Variants in PPP2R2B observed in about 807,000 individuals in gnomAD.
PPP2R2B encodes the protein serine/threonine-protein phosphatase 2A 55 kDa regulatory subunit B beta isoform.
A neutral mutation model predicts 46.0 loss-of-function variants in PPP2R2B; 5 were observed. The ratio of observed to expected loss-of-function variants is 0.11; its 90% CI spans 0.06 to 0.23. The LOEUF (loss-of-function observed/expected upper bound fraction) is 0.23, where lower values mean the gene tolerates loss of function less well. PPP2R2B is among the 10% of genes least tolerant of loss of function. PPP2R2B has a pLI of 1.00. For synonymous variants in PPP2R2B, 215 were observed against 206.7 expected, an observed-to-expected ratio of 1.04 and a Z score of -0.34; for missense variants, 367 against 575.0, an observed-to-expected ratio of 0.64 and a Z score of 3.70.
At chr5:146,697,917 G>A in intron 4 of PPP2R2B, 62 bp downstream of exon 4, 1 of 1,478,484 alleles carries the variant, frequency 6.8e-7, no homozygotes, top group Non-Finnish European at 9.2e-7. Context: ...GGTTAAGAGA[G>A]ATTGAAGTAT....
At position 146,589,045 on chromosome 5, in the gene PPP2R2B, A is replaced by ATAAT. The variant is rs1396577471; in HGVS notation, c.*898_*901dup. 5 of 152,242 alleles carry ATAAT rather than the reference A, an allele frequency of 3.3e-5. No individual in the cohort carries two copies. The highest frequency in any genetic ancestry group is 7.2e-5 in the African/African-American group (3 of 41,436). The allele number at this position is 152,242 out of a possible 1,614,324, so 9.4% of individuals were successfully genotyped here. ...CTTACTGCTTCATTTAGAACACCAG[A>ATAAT]TAATAAGCACCCAGGACTCGGCCTT... On this transcript the variant is annotated 3_prime_UTR_variant, in exon 10 of 10. Transcript: ENST00000394411.
At chr5:146,805,060 T>C (rs1757093571) in intron 2 of PPP2R2B, among the ~76,000 whole-genome samples, 2 of 152,334 alleles carry the variant, frequency 1.3e-5, no homozygotes, top group South Asian at 4.1e-4. Context: ...GGTCAGATTT[T>C]ATGTGCTGGG....
intron 1 of PPP2R2B, among the ~76,000 whole-genome samples, chr5:146,954,514 G>A (rs1751783302): frequency 6.6e-6 from 1 of 152,108 alleles, no homozygotes; most frequent in South Asian, 2.1e-4. Context: ...AGTGGGAAAG[G>A]GTGGGAAGGG....
At chr5:146,805,599 G>A (rs931967327) in intron 2 of PPP2R2B, among the ~76,000 whole-genome samples, 11 of 152,118 alleles carry the variant, frequency 7.2e-5, no homozygotes, top group African/African-American at 2.4e-4. Flanking sequence ...TGTTTGCACT[G>A]TTCTTATGAA....
chr5:146,667,596 T>C (rs1280550478), intron 5 of PPP2R2B, among the ~76,000 whole-genome samples: 3 of 151,958 alleles, frequency 2.0e-5, no homozygotes, highest in Non-Finnish European at 2.9e-5. Flanking sequence ...CCAAAAGGAT[T>C]ACTGAAGTAC....
intron 4 of PPP2R2B, among the ~76,000 whole-genome samples, chr5:146,693,270 A>C (rs546961472): frequency 6.6e-6 from 1 of 151,210 alleles, no homozygotes; most frequent in African/African-American, 2.4e-5. Context: ...GCTGGAGTGC[A>C]TTGGCGAGAT....
chr5:146,768,021 A>T (rs1754597788), intron 2 of PPP2R2B, among the ~76,000 whole-genome samples: 2 of 152,120 alleles, frequency 1.3e-5, no homozygotes, highest in African/African-American at 4.8e-5. Flanking sequence ...TTAGAGATTC[A>T]CAATAAGCAT....
At chr5:147,029,236 C>G in intron 1 of PPP2R2B, among the ~76,000 whole-genome samples, 1 of 152,022 alleles carries the variant, frequency 6.6e-6, no homozygotes, top group East Asian at 1.9e-4. Context: ...CTAAGGTTGT[C>G]AATATTTTAT....
rs368298472 is a variant in PPP2R2B at position 146,877,832 on chromosome 5, A to T, written c.70+170T>A. On this transcript the variant is annotated intron_variant, in intron 2 of 9. Coordinates refer to ENST00000394411, the MANE Select transcript of PPP2R2B (RefSeq NM_181675.4). Reference sequence around the variant, plus strand: ...GCTGAACGCCGAGCTCGCCTCGCGGAGCCCGGATGGATGCGAGGTGCACTG... The same window carrying T: ...GCTGAACGCCGAGCTCGCCTCGCGGTGCCCGGATGGATGCGAGGTGCACTG... Among the ~76,000 whole-genome samples, 23 of 152,240 alleles carry T rather than the reference A, an allele frequency of 1.5e-4. 1 individual carries two copies. The South Asian group carries it at 4.8e-3, about 32-fold the overall frequency.
intron 1 of PPP2R2B, among the ~76,000 whole-genome samples, chr5:147,025,357 T>A (rs1755475510): frequency 6.6e-6 from 1 of 151,810 alleles, no homozygotes; most frequent in Non-Finnish European, 1.5e-5. Flanking sequence ...GAAATACCAA[T>A]CTTATGTAAA....
intron 1 of PPP2R2B, among the ~76,000 whole-genome samples, chr5:147,027,264 A>G (rs1755567161): frequency 6.6e-6 from 1 of 152,208 alleles, no homozygotes; most frequent in Non-Finnish European, 1.5e-5. Flanking sequence ...GTTATACAAC[A>G]TTGCAAATGT....
chr5:146,588,469 C>T lies in PPP2R2B; in HGVS notation c.*1478G>A, dbSNP rs1770284899. On this transcript the variant is annotated 3_prime_UTR_variant, in exon 10 of 10. Coordinates refer to ENST00000394411, the MANE Select transcript of PPP2R2B (RefSeq NM_181675.4). Reference sequence around the variant, plus strand: ...TTCCCTTTCATTGAAAAACTCTCATCTCAAACCATTTACCCTGCACTAAAT... The same window carrying T: ...TTCCCTTTCATTGAAAAACTCTCATTTCAAACCATTTACCCTGCACTAAAT... 1.3e-5 allele frequency: 2 copies of T among 152,194 alleles called. No individual in the cohort carries two copies. Among genetic ancestry groups the T allele is most frequent in the South Asian group, 4.1e-4 (2 of 4,824 alleles). 9.4% of individuals were successfully genotyped at this position (152,194 alleles called of 1,614,324 possible).
At chr5:146,853,064 T>A (rs1173157965) in intron 2 of PPP2R2B, among the ~76,000 whole-genome samples, 2 of 152,050 alleles carry the variant, frequency 1.3e-5, no homozygotes, top group African/African-American at 4.8e-5. Context: ...TCAGGAATGT[T>A]TGAGAACTTT....
intron 2 of PPP2R2B, among the ~76,000 whole-genome samples, chr5:146,774,810 C>G (rs1755078527): frequency 1.4e-5 from 2 of 143,772 alleles, no homozygotes; most frequent in South Asian, 4.4e-4. Flanking sequence ...GAGCAAGACT[C>G]TGTCTCAAAA....
At chr5:147,037,677 A>G (rs1456644804) in intron 1 of PPP2R2B, among the ~76,000 whole-genome samples, 1 of 152,100 alleles carries the variant, frequency 6.6e-6, no homozygotes, top group Non-Finnish European at 1.5e-5. Context: ...GAAAACCACC[A>G]ATACCCTAAG....
intron 5 of PPP2R2B, among the ~76,000 whole-genome samples, chr5:146,683,762 G>A (rs1055222618): frequency 9.9e-5 from 15 of 152,154 alleles, no homozygotes; most frequent in South Asian, 2.1e-4. Flanking sequence ...TTAAATTCTC[G>A]TGGAGGGCTT....
rs191738732 is a variant in PPP2R2B at position 146,741,014 on chromosome 5, C to T, written c.71-39872G>A. Among the ~76,000 whole-genome samples the T allele has an allele frequency of 6.8e-4, 98 of 144,940 alleles. No homozygotes were observed. In the East Asian group the frequency reaches 0.015, roughly 22 times the overall value. On this transcript the variant is annotated intron_variant, in intron 2 of 9. Coordinates refer to ENST00000394411, the MANE Select transcript of PPP2R2B (RefSeq NM_181675.4). ...ATCGTGCCACCGCACTCTAGCCAAG[C>T]GACAGAGCAAGACTCCGTCTCAAAA...
intron 2 of PPP2R2B, among the ~76,000 whole-genome samples, chr5:146,845,057 C>T (rs980114165): frequency 3.3e-5 from 5 of 152,158 alleles, no homozygotes; most frequent in Non-Finnish European, 7.4e-5. Context: ...CACCAGCTTT[C>T]AGCCATGTTC....
At chr5:146,835,905 A>G (rs1759251967) in intron 2 of PPP2R2B, among the ~76,000 whole-genome samples, 2 of 152,158 alleles carry the variant, frequency 1.3e-5, no homozygotes. Context: ...GAGCCTAATG[A>G]AGTGGGTTGG....
Sources: gnomAD v4.1 joint callset for allele counts (sites outside exome capture counted in the v4.1 genomes callset) on GRCh38, gnomAD v4.1.1 for gene constraint, MANE v1.5 for transcripts, NCBI Gene and HGNC (gene_info 2026-07-23, HGNC 2026-07-21) for gene names.